Variants in DACH1 observed in about 807,000 individuals in gnomAD.
The protein encoded by DACH1 is dachshund family transcription factor 1.
A neutral mutation model predicts 54.2 loss-of-function variants in DACH1; 12 were observed. That is an observed-to-expected ratio of 0.22 (90% confidence interval 0.14 to 0.36). The LOEUF is 0.36. DACH1 is among the 10% of genes least tolerant of loss of function. DACH1 has a pLI of 1.00. For missense variants in DACH1, 805 were observed against 929.8 expected (o/e 0.87, Z 1.75); for synonymous variants, 386 against 366.2 (o/e 1.05, Z -0.62).
chr13:71,520,158 T>C (rs757833784), intron 6 of DACH1, among the ~76,000 whole-genome samples: 1 of 151,464 alleles, frequency 6.6e-6, no homozygotes, highest in Non-Finnish European at 1.5e-5. Flanking sequence ...TGTTTTGTCA[T>C]TCTTAAACTC....
intron 1 of DACH1, among the ~76,000 whole-genome samples, chr13:71,796,744 A>G (rs577693095): frequency 9.8e-4 from 149 of 151,880 alleles, no homozygotes; most frequent in Non-Finnish European, 1.8e-3. Flanking sequence ...AGTAATATAT[A>G]GTACTAATTT....
chr13:71,461,478 C>T (rs1423823746), intron 10 of DACH1, among the ~76,000 whole-genome samples: 1 of 151,876 alleles, frequency 6.6e-6, no homozygotes, highest in Non-Finnish European at 1.5e-5. Context: ...AAGCCCGCAT[C>T]ATACTCAGGC....
At chr13:71,519,908 T>TATATATATATATATATATATA (rs1566312779) in intron 6 of DACH1, among the ~76,000 whole-genome samples, 2 of 135,706 alleles carry the variant, frequency 1.5e-5, no homozygotes, top group Non-Finnish European at 3.2e-5. Context: ...TATATATATA[T>TATATATATATATATATATATA]CCTAACTAAC....
chr13:71,599,558 G>A lies in DACH1; in HGVS notation c.1127-26546C>T, dbSNP rs1015094292. Reference sequence around the variant, plus strand: ...ATTGTCCACTTCTTGAATTGGAACTGTAGAGCAGGAAAAGTCAATTAATAC... The same window carrying A: ...ATTGTCCACTTCTTGAATTGGAACTATAGAGCAGGAAAAGTCAATTAATAC... On this transcript the variant is annotated intron_variant, in intron 3 of 10. Transcript: ENST00000613252. Among the ~76,000 whole-genome samples the A allele has an allele frequency of 1.3e-5, 2 of 152,054 alleles. 1 individual carries two copies. The highest frequency in any genetic ancestry group is 4.1e-4 in the South Asian group (2 of 4,826).
chr13:71,821,782 A>G (rs1304682719), intron 1 of DACH1, among the ~76,000 whole-genome samples: 3 of 152,104 alleles, frequency 2.0e-5, no homozygotes, highest in East Asian at 3.9e-4. Context: ...TCTACTTCAC[A>G]TTCTTCCTTA....
intron 2 of DACH1, among the ~76,000 whole-genome samples, chr13:71,654,946 G>T (rs920808167): frequency 1.3e-5 from 2 of 152,156 alleles, no homozygotes; most frequent in African/African-American, 4.8e-5. Flanking sequence ...CTCTTACTTT[G>T]CATGTTGTAC....
intron 1 of DACH1, among the ~76,000 whole-genome samples, chr13:71,683,982 G>T (rs1466386099): frequency 6.6e-6 from 1 of 151,994 alleles, no homozygotes; most frequent in Non-Finnish European, 1.5e-5. Context: ...CTTTCCCCTG[G>T]TTCAGCGAAA....
chr13:71,441,641 G>T (rs912963576), intron 10 of DACH1, among the ~76,000 whole-genome samples: 2 of 151,900 alleles, frequency 1.3e-5, no homozygotes, highest in African/African-American at 2.4e-5. Context: ...GTAACTGGAA[G>T]AATTAAAATA....
chr13:71,485,774 G>A (rs1240855525), intron 7 of DACH1, among the ~76,000 whole-genome samples: 1 of 150,178 alleles, frequency 6.7e-6, no homozygotes, highest in East Asian at 2.0e-4. Context: ...GTAGAGACAG[G>A]GTTTGACTAT....
intron 7 of DACH1, among the ~76,000 whole-genome samples, 190 bp from the exon 8 acceptor site, chr13:71,479,506 G>A (rs1292009027): frequency 6.6e-6 from 1 of 151,900 alleles, no homozygotes; most frequent in African/African-American, 2.4e-5. Flanking sequence ...AACTATTTTC[G>A]GAAGACAAAT....
chr13:71,679,260 A>C (rs879365281), intron 2 of DACH1, among the ~76,000 whole-genome samples: 5 of 152,240 alleles, frequency 3.3e-5, no homozygotes, highest in Non-Finnish European at 7.3e-5. Flanking sequence ...CTTTCAAAAA[A>C]TAATTTAATA....
chr13:71,592,513 A>AAG (rs1873802211), intron 3 of DACH1, among the ~76,000 whole-genome samples: 4 of 145,816 alleles, frequency 2.7e-5, no homozygotes, highest in East Asian at 2.0e-4. Flanking sequence ...AAAAAAAAAA[A>AAG]AAAAGAAAAG....
chr13:71,587,972 T>C (rs541321110), intron 3 of DACH1, among the ~76,000 whole-genome samples: 147 of 152,254 alleles, frequency 9.7e-4, no homozygotes, highest in African/African-American at 3.5e-3. Context: ...GTTGGTCCTG[T>C]AGGGCTCTTC....
intron 2 of DACH1, among the ~76,000 whole-genome samples, chr13:71,669,943 C>T (rs1880110100): frequency 1.3e-5 from 2 of 151,712 alleles, no homozygotes; most frequent in African/African-American, 4.8e-5. Flanking sequence ...ACTCACAATA[C>T]CATTTTGTTT....
At chr13:71,629,293 C>T (rs577663676) in intron 3 of DACH1, among the ~76,000 whole-genome samples, 3 of 152,158 alleles carry the variant, frequency 2.0e-5, no homozygotes, top group African/African-American at 7.2e-5. Context: ...AGTTGTAGGG[C>T]CATCTCTTTT....
rs1880407918 is a variant in DACH1, at chr13:71,507,236, G to GTTGGGAAT, written c.1571-18089_1571-18088insATTCCCAA. Among the ~76,000 whole-genome samples, 2 of 152,032 alleles carry GTTGGGAAT rather than the reference G, an allele frequency of 1.3e-5. 1 individual carries two copies. Among genetic ancestry groups the GTTGGGAAT allele is most frequent in the South Asian group, 4.1e-4 (2 of 4,824 alleles). On this transcript the variant is annotated intron_variant, in intron 6 of 10. Transcript: ENST00000613252. ...TTCATATTAGTGTTTCTTCCTTTAA[G>GTTGGGAAT]CTGGGAATCCTCATAAATATAGTAT...
chr13:71,738,722 A>C, intron 1 of DACH1, among the ~76,000 whole-genome samples: 1 of 100,716 alleles, frequency 9.9e-6, no homozygotes. Flanking sequence ...ACAGAGCGAG[A>C]CTCTGTCTCA....
In DACH1 at chr13:71,738,456, G is replaced by A. The variant is rs571574389; in HGVS notation, c.849-56546C>T. ...ATTTAAAAGACAGAAAACTGTCTGC[G>A]TGAGGTGGCTCAAGCCTATAATCCC... On this transcript the variant is annotated intron_variant, in intron 1 of 10. Transcript: ENST00000613252. Among the ~76,000 whole-genome samples the A allele has an allele frequency of 7.2e-5, 11 of 152,240 alleles. No homozygotes were observed. In the South Asian group the frequency reaches 1.5e-3, roughly 20 times the overall value.
chr13:71,822,673 A>G (rs1435922124), intron 1 of DACH1, among the ~76,000 whole-genome samples: 8 of 152,222 alleles, frequency 5.3e-5, no homozygotes, highest in African/African-American at 1.9e-4. Context: ...TGAATTTGAA[A>G]TTAACCTGTC....
Sources: gnomAD v4.1 joint callset for allele counts (sites outside exome capture counted in the v4.1 genomes callset) on GRCh38, gnomAD v4.1.1 for gene constraint, MANE v1.5 for transcripts, NCBI Gene and HGNC (gene_info 2026-07-23, HGNC 2026-07-21) for gene names.